Variants in VKORC1L1 observed in about 807,000 individuals in gnomAD.
The protein encoded by VKORC1L1 is vitamin K epoxide reductase complex subunit 1L1.
In VKORC1L1, 2 loss-of-function variants were observed where a neutral mutation model predicts 18.9. The ratio of observed to expected loss-of-function variants is 0.11; its 90% CI spans 0.04 to 0.33. The LOEUF (loss-of-function observed/expected upper bound fraction) is 0.33. Among genes scored for constraint, VKORC1L1 ranks in the 10% least tolerant of loss-of-function variants. VKORC1L1 has a pLI of 1.00. For synonymous variants in VKORC1L1, 96 were observed against 100.0 expected, an observed-to-expected ratio of 0.96 and a Z score of 0.24; for missense variants, 123 against 224.1, an observed-to-expected ratio of 0.55 and a Z score of 2.88.
chr7:65,892,308 G>A (rs1789121973), intron 1 of VKORC1L1, among the ~76,000 whole-genome samples: 1 of 152,178 alleles, frequency 6.6e-6, no homozygotes, highest in African/African-American at 2.4e-5. Flanking sequence ...ATACCCAGTA[G>A]CAGGATTGCT....
upstream of VKORC1L1, among the ~76,000 whole-genome samples, chr7:65,871,065 C>A (rs537609281): frequency 3.3e-5 from 5 of 152,196 alleles, no homozygotes; most frequent in African/African-American, 4.8e-5. Flanking sequence ...TGAGCCACCC[C>A]ACCTGGGCAG....
At chr7:65,947,723 T>G (rs1222746871) in intron 1 of VKORC1L1, among the ~76,000 whole-genome samples, 2 of 151,908 alleles carry the variant, frequency 1.3e-5, no homozygotes, top group African/African-American at 4.8e-5. Context: ...GGAGTTTTGC[T>G]CTTGTTGCCC....
chr7:65,929,682 G>GTGTATATATATATATA (rs370107880), intron 1 of VKORC1L1, among the ~76,000 whole-genome samples: 2 of 128,608 alleles, frequency 1.6e-5, no homozygotes, highest in African/African-American at 5.8e-5. Context: ...GTGTGTGTGT[G>GTGTATATATATATATA]TATATATATA....
intron 1 of VKORC1L1, among the ~76,000 whole-genome samples, chr7:65,878,035 G>A (rs1425027520): frequency 6.6e-6 from 1 of 152,050 alleles, no homozygotes; most frequent in Non-Finnish European, 1.5e-5. Context: ...TGAAAATCAA[G>A]TCCATAAAAA....
chr7:65,916,169 C>T (rs1427186429), intron 1 of VKORC1L1, among the ~76,000 whole-genome samples: 1 of 150,240 alleles, frequency 6.7e-6, no homozygotes, highest in Non-Finnish European at 1.5e-5. Context: ...CTTGATTACC[C>T]AGTGATACAG....
At chr7:65,895,804 G>A (rs930106034) in intron 1 of VKORC1L1, among the ~76,000 whole-genome samples, 2 of 150,804 alleles carry the variant, frequency 1.3e-5, no homozygotes, top group Non-Finnish European at 2.9e-5. Context: ...AGTGGTATAT[G>A]TGATGAAAAT....
At chr7:65,872,803 A>G (rs1407718881), upstream of VKORC1L1, among the ~76,000 whole-genome samples, 3 of 152,074 alleles carry the variant, frequency 2.0e-5, no homozygotes, top group African/African-American at 7.2e-5. Context: ...GAAATATACA[A>G]CGAAAAAGGG....
chr7:65,937,258 C>A (rs1789960017), intron 1 of VKORC1L1, among the ~76,000 whole-genome samples: 1 of 152,200 alleles, frequency 6.6e-6, no homozygotes, highest in African/African-American at 2.4e-5. Flanking sequence ...CCTCTATCAA[C>A]CAGCTATTTT....
chr7:65,931,154 A>G (rs73148071), intron 1 of VKORC1L1, among the ~76,000 whole-genome samples: 47,322 of 149,908 alleles, frequency 0.32, 8,645 homozygotes, highest in East Asian at 0.47. Context: ...TTAAGAGTCT[A>G]TTTTCATGAA....
chr7:65,947,208 C>T (rs1790134720), intron 1 of VKORC1L1, among the ~76,000 whole-genome samples: 1 of 152,134 alleles, frequency 6.6e-6, no homozygotes, highest in African/African-American at 2.4e-5. Context: ...ATGGCTTTCA[C>T]TTGTTTGTAA....
rs1180982666 is a variant in VKORC1L1 at position 65,873,254 on chromosome 7, C to G, written c.-118C>G. 2.3e-6 allele frequency: 2 copies of G among 888,828 alleles called. No individual in the cohort carries two copies. Among genetic ancestry groups the G allele is most frequent in the African/African-American group, 1.9e-5 (1 of 53,580 alleles). 55.1% of individuals were successfully genotyped at this position (888,828 alleles called of 1,614,324 possible). A position where few individuals can be genotyped will look rare whatever the true frequency, so the allele number is the denominator to read the frequency against. The stretch of plus-strand genomic sequence containing the variant: ...CAATGGGGCGCGGCGGCGGCGGCGG[C>G]GGTGGTGGCGGCGGCGGCGGAGGCG... On this transcript the variant is annotated 5_prime_UTR_variant, in exon 1 of 3. Transcript: ENST00000360768.
intron 2 of VKORC1L1, among the ~76,000 whole-genome samples, chr7:65,951,689 G>T (rs920254547): frequency 2.0e-5 from 3 of 152,028 alleles, no homozygotes; most frequent in South Asian, 2.1e-4. Context: ...CTGGTAGCTT[G>T]TTATTGTCTC....
chr7:65,877,428 A>G (rs1788848052), intron 1 of VKORC1L1, among the ~76,000 whole-genome samples: 1 of 151,624 alleles, frequency 6.6e-6, no homozygotes, highest in African/African-American at 2.4e-5. Context: ...GCTCACTGCA[A>G]CCTCCACCTC....
chr7:65,892,111 C>T lies in VKORC1L1; in HGVS notation c.194+18546C>T, dbSNP rs557564841. On this transcript the variant is annotated intron_variant, in intron 1 of 2. Transcript: ENST00000360768. ...GTTTTATCCATATTGTTGAAAATGA[C>T]GGGATTGCATTCATTCTCATGGCTG... 2.2e-4 allele frequency among the ~76,000 whole-genome samples: 34 copies of T among 152,280 alleles called. No individual in the cohort carries two copies. The South Asian group carries it at 6.2e-3, about 28-fold the overall frequency.
intron 1 of VKORC1L1, among the ~76,000 whole-genome samples, chr7:65,924,372 C>T (rs1789726524): frequency 6.6e-6 from 1 of 152,154 alleles, no homozygotes; most frequent in African/African-American, 2.4e-5. Context: ...GACTTTTCAT[C>T]CTAGAATGGC....
At chr7:65,900,042 C>CGTGTGTGTGTGTGTGT in intron 1 of VKORC1L1, among the ~76,000 whole-genome samples, 1 of 140,978 alleles carries the variant, frequency 7.1e-6, no homozygotes, top group South Asian at 2.3e-4. Context: ...TGTGCACGCA[C>CGTGTGTGTGTGTGTGT]GTGTGTGTGT....
At chr7:65,932,296 C>T (rs1789871326) in intron 1 of VKORC1L1, among the ~76,000 whole-genome samples, 1 of 152,116 alleles carries the variant, frequency 6.6e-6, no homozygotes, top group South Asian at 2.1e-4. Context: ...CAGGGTTTCA[C>T]CATGTTGGCC....
rs117384651 is a variant in VKORC1L1, at chr7:65,895,886, T to C, written c.194+22321T>C. 2.6e-3 allele frequency among the ~76,000 whole-genome samples: 393 copies of C among 148,814 alleles called. 15 individuals carry two copies. The East Asian group carries it at 0.072, about 27-fold the overall frequency. ...GGAAAAAAAGAGAACTATCTTGCTA[T>C]CTCACTTCTTTTTTTTTTTTTTTTT... is the stretch of plus-strand genomic sequence containing the variant. On this transcript the variant is annotated intron_variant, in intron 1 of 2. Coordinates refer to ENST00000360768, the MANE Select transcript of VKORC1L1 (RefSeq NM_173517.6).
At chr7:65,906,395 G>A (rs544398568) in intron 1 of VKORC1L1, among the ~76,000 whole-genome samples, 32 of 152,126 alleles carry the variant, frequency 2.1e-4, no homozygotes, top group Non-Finnish European at 4.3e-4. Flanking sequence ...AAGGAGTATG[G>A]TGAAATTTTT....
Sources: gnomAD v4.1 joint callset for allele counts (sites outside exome capture counted in the v4.1 genomes callset) on GRCh38, gnomAD v4.1.1 for gene constraint, MANE v1.5 for transcripts, NCBI Gene and HGNC (gene_info 2026-07-23, HGNC 2026-07-21) for gene names.